Variants in SNRPE observed in about 807,000 individuals in gnomAD.
SNRPE encodes small nuclear ribonucleoprotein E.
For missense variants in SNRPE, 53 were observed against 111.6 expected (o/e 0.48, Z 2.36); for synonymous variants, 35 against 36.7 (o/e 0.95, Z 0.17).
intron 4 of SNRPE, among the ~76,000 whole-genome samples, chr1:203,868,273 C>G (rs1339765943): frequency 1.3e-5 from 2 of 152,046 alleles, no homozygotes; most frequent in Non-Finnish European, 1.5e-5. Flanking sequence ...CCAGGCTGGT[C>G]TCTAACTTCT....
At chr1:203,862,619 G>A (rs903910473) in intron 2 of SNRPE, among the ~76,000 whole-genome samples, 10 of 152,160 alleles carry the variant, frequency 6.6e-5, no homozygotes, top group Non-Finnish European at 1.0e-4. Context: ...GTCAAGAGGT[G>A]GTGTGTTTAA....
intron 2 of SNRPE, 131 bp from the exon 3 acceptor site, chr1:203,863,532 G>T (rs6679953): frequency 0.66 from 434,763 of 660,352 alleles, 143,981 homozygotes; most frequent in Admixed American, 0.73. Flanking sequence ...TGTTAACGAG[G>T]ATGGTCTCTA....
intron 3 of SNRPE, among the ~76,000 whole-genome samples, chr1:203,864,245 C>T (rs190572048): frequency 5.9e-5 from 9 of 151,892 alleles, no homozygotes; most frequent in Non-Finnish European, 1.0e-4. Flanking sequence ...TGAGCCACAA[C>T]GCCTGGCTGA....
At chr1:203,865,180 T>C (rs1318624464) in intron 4 of SNRPE, 61 bp downstream of exon 4, 2 of 1,410,472 alleles carry the variant, frequency 1.4e-6, no homozygotes, top group African/African-American at 1.4e-5. Flanking sequence ...CAGAATTCAG[T>C]GACCTGCAAC....
intron 2 of SNRPE, 89 bp downstream of exon 2, chr1:203,862,311 C>G: frequency 1.1e-6 from 1 of 922,750 alleles, no homozygotes; most frequent in Non-Finnish European, 1.8e-6. Flanking sequence ...TCGCTGTGTT[C>G]TAGAATTTAA....
rs1690188396 is a variant in SNRPE, at chr1:203,870,277, G to A, written c.*345G>A. ...GCTTCCAGTATTGGGAGGTGGAGAAGGGGAGGGTTCAGAAAAATAAATAAG... is the reference window on the plus strand; with the variant it reads ...GCTTCCAGTATTGGGAGGTGGAGAAAGGGAGGGTTCAGAAAAATAAATAAG... On this transcript the variant is annotated 3_prime_UTR_variant, in exon 5 of 5. Transcript: ENST00000414487. 1 of 191,260 alleles carries A rather than the reference G, an allele frequency of 5.2e-6. No individual in the cohort carries two copies. The highest frequency in any genetic ancestry group is 1.1e-5 in the Non-Finnish European group (1 of 94,376). 11.8% of individuals were successfully genotyped at this position (191,260 alleles called of 1,614,324 possible).
chr1:203,868,211 A>G (rs1401430232), intron 4 of SNRPE, among the ~76,000 whole-genome samples: 1 of 151,990 alleles, frequency 6.6e-6, no homozygotes, highest in East Asian at 1.9e-4. Flanking sequence ...GTGTACCACC[A>G]CGCCTGGCTG....
intron 2 of SNRPE, 135 bp from the exon 3 acceptor site, chr1:203,863,528 C>A: frequency 1.5e-6 from 1 of 645,324 alleles, no homozygotes; most frequent in Non-Finnish European, 2.8e-6. Flanking sequence ...ACCATGTTAA[C>A]GAGGATGGTC....
rs564988259 is a variant in SNRPE at position 203,869,289 on chromosome 1, C to CTTTTTTTTT, written c.224-562_224-554dup. Among the ~76,000 whole-genome samples the CTTTTTTTTT allele has an allele frequency of 2.2e-3, 148 of 66,798 alleles. 3 individuals are homozygous for CTTTTTTTTT. Among genetic ancestry groups the CTTTTTTTTT allele is most frequent in the Non-Finnish European group, 2.3e-3 (87 of 37,894 alleles). The allele number at this position is 66,798 out of a possible 152,430, so 43.8% of individuals were successfully genotyped here. Reference sequence around the variant, plus strand: ...AGGTTTGTTTATTGTAGGATGGAGTCTTTTTTTTTTTTTTTTTTTTTTTTT... The same window carrying CTTTTTTTTT: ...AGGTTTGTTTATTGTAGGATGGAGTCTTTTTTTTTTTTTTTTTTTTTTTTTTTTTTTTTT... On this transcript the variant is annotated intron_variant, in intron 4 of 4. Coordinates refer to ENST00000414487, the MANE Select transcript of SNRPE (RefSeq NM_003094.4).
At chr1:203,869,020 C>T (rs2103511936) in intron 4 of SNRPE, among the ~76,000 whole-genome samples, 1 of 152,286 alleles carries the variant, frequency 6.6e-6, no homozygotes, top group South Asian at 2.1e-4. Context: ...CTTAGCCTTA[C>T]TGAGGTCATA....
chr1:203,866,626 C>T (rs967222193), intron 4 of SNRPE, among the ~76,000 whole-genome samples: 22 of 152,156 alleles, frequency 1.4e-4, no homozygotes, highest in Non-Finnish European at 2.4e-4. Flanking sequence ...GTTTCCAGTT[C>T]AGCTTACTAA....
intron 4 of SNRPE, among the ~76,000 whole-genome samples, chr1:203,866,708 A>G (rs1325076031): frequency 6.6e-6 from 1 of 152,106 alleles, no homozygotes; most frequent in African/African-American, 2.4e-5. Context: ...CAGTCTGAAC[A>G]TATGTCATCC....
At chr1:203,867,625 C>T (rs553067248) in intron 4 of SNRPE, among the ~76,000 whole-genome samples, 4 of 152,146 alleles carry the variant, frequency 2.6e-5, no homozygotes, top group African/African-American at 9.6e-5. Flanking sequence ...GTTTTGCGCT[C>T]CTATGAGAAT....
intron 4 of SNRPE, among the ~76,000 whole-genome samples, chr1:203,866,866 A>G (rs2103509633): frequency 6.6e-6 from 1 of 152,020 alleles, no homozygotes; most frequent in Non-Finnish European, 1.5e-5. Flanking sequence ...CTTTAGCAAC[A>G]CTTGTCTTAT....
At chr1:203,863,040 C>T (rs1281137131) in intron 2 of SNRPE, among the ~76,000 whole-genome samples, 4 of 151,726 alleles carry the variant, frequency 2.6e-5, no homozygotes, top group Non-Finnish European at 4.4e-5. Flanking sequence ...AATGAAAATT[C>T]TTTTTGAGGT....
Position 203,867,346 on chromosome 1 carries a change from A to G in SNRPE, c.223+2227A>G, listed in dbSNP as rs546445198. The stretch of plus-strand genomic sequence containing the variant: ...CCAGGGACCGGTTTTGTGGAAGACA[A>G]TTTTTCTGTGGACTGGGGTGTGGGG... On this transcript the variant is annotated intron_variant, in intron 4 of 4. Coordinates refer to ENST00000414487, the MANE Select transcript of SNRPE (RefSeq NM_003094.4). 6.6e-5 allele frequency among the ~76,000 whole-genome samples: 10 copies of G among 151,460 alleles called. No homozygotes were observed. In the South Asian group the frequency reaches 8.3e-4, roughly 13 times the overall value.
chr1:203,862,258 A>G, intron 2 of SNRPE, 36 bp downstream of exon 2: 1 of 1,463,796 alleles, frequency 6.8e-7, no homozygotes, highest in African/African-American at 1.4e-5. Context: ...TACTTTTTAA[A>G]TAAGAGGTGA....
intron 4 of SNRPE, among the ~76,000 whole-genome samples, chr1:203,865,327 G>A (rs939672230): frequency 6.6e-6 from 1 of 152,010 alleles, no homozygotes; most frequent in African/African-American, 2.4e-5. Context: ...TCTCACCAAG[G>A]GAACCAAAGA....
In SNRPE at chr1:203,870,635, A is replaced by T. The variant is rs1690196013; in HGVS notation, c.*703A>T. On this transcript the variant is annotated 3_prime_UTR_variant, in exon 5 of 5. Coordinates refer to ENST00000414487, the MANE Select transcript of SNRPE (RefSeq NM_003094.4). ...GAATAATGGTATGTTGGAGAAATAC[A>T]CCTGTCTCTTATTCTTATCTCTTAA... The T allele has an allele frequency of 6.6e-6, 1 of 152,214 alleles. No homozygotes were observed. The allele number at this position is 152,214 out of a possible 1,614,324, so 9.4% of individuals were successfully genotyped here.
Sources: allele counts gnomAD v4.1 joint callset (sites outside exome capture counted in the v4.1 genomes callset), GRCh38; gene constraint gnomAD v4.1.1; transcripts MANE v1.5; gene names NCBI Gene and HGNC (gene_info 2026-07-23, HGNC 2026-07-21).